SEMA6A: variants seen among roughly 807,000 people sequenced by gnomAD.
SEMA6A encodes the protein semaphorin 6A.
Under a neutral mutation model 96.8 loss-of-function variants are expected in SEMA6A, and 25 were observed. The observed-to-expected ratio is 0.26, with a 90% CI of 0.19 to 0.36. The LOEUF is 0.36. SEMA6A is among the 10% of genes least tolerant of loss of function. The pLI, the probability that SEMA6A is intolerant of heterozygous loss-of-function variation, is 1.00. For synonymous variants in SEMA6A, 612 were observed against 518.0 expected (o/e 1.18, Z -2.46); for missense variants, 1,363 against 1,323.1 (o/e 1.03, Z -0.47).
At chr5:116,564,986 A>G (rs546072618) in intron 1 of SEMA6A, among the ~76,000 whole-genome samples, 3 of 152,384 alleles carry the variant, frequency 2.0e-5, no homozygotes, top group African/African-American at 7.2e-5. Context: ...TGCAAAGCCA[A>G]AGCCAAATTA....
At chr5:116,573,731 C>A (rs1321921168) in intron 1 of SEMA6A, among the ~76,000 whole-genome samples, 2 of 152,146 alleles carry the variant, frequency 1.3e-5, no homozygotes, top group African/African-American at 2.4e-5. Flanking sequence ...CGCTGTTATA[C>A]CCAACCCCCT....
At chr5:116,502,621 C>G (rs902361472) in intron 2 of SEMA6A, 4 of 301,180 alleles carry the variant, frequency 1.3e-5, no homozygotes, top group Admixed American at 4.8e-5. Flanking sequence ...GCTAGTGAAC[C>G]CTTTGCATGA....
intron 1 of SEMA6A, among the ~76,000 whole-genome samples, chr5:116,513,139 T>TTA (rs144134705): frequency 0.022 from 3,360 of 151,692 alleles, 38 homozygotes; most frequent in Non-Finnish European, 0.033. Flanking sequence ...TTTTTTTTTT[T>TTA]CCCCCGCGAC....
At chr5:116,544,293 G>C (rs1380862831) in intron 1 of SEMA6A, among the ~76,000 whole-genome samples, 3 of 151,802 alleles carry the variant, frequency 2.0e-5, no homozygotes, top group Non-Finnish European at 2.9e-5. Context: ...TTTTTTGTTT[G>C]TTTGTTTGTT....
chr5:116,497,295 C>T, intron 4 of SEMA6A, 32 bp downstream of exon 4: 3 of 1,374,414 alleles, frequency 2.2e-6, no homozygotes, highest in South Asian at 1.2e-5. Context: ...AAAGGTCCTT[C>T]ATTTTACAAA....
At chr5:116,457,267 C>T (rs1187983638) in intron 18 of SEMA6A, among the ~76,000 whole-genome samples, 1 of 152,122 alleles carries the variant, frequency 6.6e-6, no homozygotes, top group Admixed American at 6.5e-5. Flanking sequence ...TTATGAATAA[C>T]AAGAGGCTGT....
chr5:116,535,174 C>T (rs1759654251), intron 1 of SEMA6A, among the ~76,000 whole-genome samples: 1 of 152,172 alleles, frequency 6.6e-6, no homozygotes, highest in Admixed American at 6.5e-5. Flanking sequence ...GCACACAGCA[C>T]AAAAGCCTGG....
intron 18 of SEMA6A, 52 bp downstream of exon 18, chr5:116,467,531 C>T: frequency 6.5e-7 from 1 of 1,546,758 alleles, no homozygotes; most frequent in Non-Finnish European, 8.7e-7. Flanking sequence ...ACAGTCCTCC[C>T]CACTTTTCCC....
intron 1 of SEMA6A, among the ~76,000 whole-genome samples, chr5:116,550,954 T>C (rs186839035): frequency 1.2e-4 from 19 of 152,246 alleles, no homozygotes; most frequent in African/African-American, 4.3e-4. Flanking sequence ...CTCTGAAGGA[T>C]AGGAATCTAA....
chr5:116,539,865 A>C (rs917522995), intron 1 of SEMA6A, among the ~76,000 whole-genome samples: 1 of 152,136 alleles, frequency 6.6e-6, no homozygotes, highest in Non-Finnish European at 1.5e-5. Context: ...TATTTAAGTC[A>C]TGAGTCATGC....
chr5:116,446,965 A>G lies in SEMA6A; in HGVS notation c.2741T>C (p.Val914Ala). ...LEMHHSSSYG[V>A]DYKRSYPTNS... ...CGTGGGGTAGCTCCTCTTATAGTCA[A>G]CCCCGTAGGAAGAGGAGTGGTGCAT... Residue 914 changes from valine (V) to alanine (A), a missense_variant, in exon 19 of 19, where the codon GTT becomes GCT. Physicochemically the swap from Val to Ala is moderately conservative, Grantham distance 64. Transcript: ENST00000343348. The G allele has an allele frequency of 2.5e-6, 4 of 1,613,586 alleles. No individual in the cohort carries two copies. Among genetic ancestry groups the G allele is most frequent in the South Asian group, 2.2e-5 (2 of 91,052 alleles).
chr5:116,470,562 G>T (rs1756062648), intron 17 of SEMA6A, among the ~76,000 whole-genome samples: 1 of 152,130 alleles, frequency 6.6e-6, no homozygotes, highest in South Asian at 2.1e-4. Flanking sequence ...TATTAACAAT[G>T]TTTGTAGACA....
At chr5:116,526,818 T>TG (rs1759251134) in intron 1 of SEMA6A, among the ~76,000 whole-genome samples, 1 of 152,094 alleles carries the variant, frequency 6.6e-6, no homozygotes, top group Non-Finnish European at 1.5e-5. Flanking sequence ...CCTTTCTACT[T>TG]GCAAATACAG....
At chr5:116,563,539 T>C (rs558679131) in intron 1 of SEMA6A, among the ~76,000 whole-genome samples, 1 of 152,346 alleles carries the variant, frequency 6.6e-6, no homozygotes, top group African/African-American at 2.4e-5. Context: ...AAAGAAAATC[T>C]GTAATCAGAA....
At chr5:116,449,414 T>G in intron 18 of SEMA6A, 1 of 699,686 alleles carries the variant, frequency 1.4e-6, no homozygotes, top group Non-Finnish European at 2.6e-6. Context: ...TGGCACAGAA[T>G]TAGAATGAAA....
chr5:116,446,251 A>C lies in SEMA6A; in HGVS notation c.*362T>G. Reference sequence around the variant, plus strand: ...TGTTCACCTCTGTGCGTGTGTGTGTATGTGTTGTGTGCATGTGTGTGTGTG... The same window carrying C: ...TGTTCACCTCTGTGCGTGTGTGTGTCTGTGTTGTGTGCATGTGTGTGTGTG... On this transcript the variant is annotated 3_prime_UTR_variant, in exon 19 of 19. Coordinates refer to ENST00000343348, the MANE Select transcript of SEMA6A (RefSeq NM_020796.5). 1 of 174,838 alleles carries C rather than the reference A, an allele frequency of 5.7e-6. No homozygotes were observed. The highest frequency in any genetic ancestry group is 1.1e-5 in the Non-Finnish European group (1 of 90,152). 10.8% of individuals were successfully genotyped at this position (174,838 alleles called of 1,614,324 possible). A position where few individuals can be genotyped will look rare whatever the true frequency, so the allele number is the denominator to read the frequency against.
chr5:116,479,070 T>C (rs1756620048), intron 12 of SEMA6A, among the ~76,000 whole-genome samples: 2 of 152,090 alleles, frequency 1.3e-5, no homozygotes, highest in African/African-American at 2.4e-5. Flanking sequence ...GGGTAAGAAG[T>C]AATAAGAAAT....
At chr5:116,472,997 C>A in intron 17 of SEMA6A, 76 bp downstream of exon 17, 1 of 1,532,662 alleles carries the variant, frequency 6.5e-7, no homozygotes, top group South Asian at 1.2e-5. Context: ...TGAACATACT[C>A]AAGAGGATTA....
intron 1 of SEMA6A, among the ~76,000 whole-genome samples, chr5:116,520,812 AC>A (rs1437092525): frequency 2.2e-4 from 33 of 152,254 alleles, no homozygotes; most frequent in African/African-American, 7.7e-4. Flanking sequence ...CCCATGGAGA[AC>A]CTGACTGCCT....
Sources: gnomAD v4.1 joint callset for allele counts (sites outside exome capture counted in the v4.1 genomes callset) on GRCh38, gnomAD v4.1.1 for gene constraint, MANE v1.5 for transcripts, NCBI Gene and HGNC (gene_info 2026-07-23, HGNC 2026-07-21) for gene names.